ABCC4: variants seen among roughly 807,000 people sequenced by gnomAD.
ABCC4 encodes the protein ATP binding cassette subfamily C member 4 (PEL blood group).
A neutral mutation model predicts 168.5 loss-of-function variants in ABCC4; 102 were observed. The observed-to-expected ratio is 0.61, with a 90% CI of 0.52 to 0.71. ABCC4 has a LOEUF of 0.71. ABCC4 is among the 30% of genes least tolerant of loss of function. The probability of loss-of-function intolerance (pLI) is 0.00; values close to 1 mark genes in which losing one functional copy is unlikely to be tolerated. For missense variants in ABCC4, 1,402 were observed against 1,605.8 expected (o/e 0.87, Z 2.17); for synonymous variants, 617 against 590.7 (o/e 1.04, Z -0.65).
chr13:95,222,609 C>A (rs1417990544), intron 4 of ABCC4, among the ~76,000 whole-genome samples: 2 of 152,128 alleles, frequency 1.3e-5, no homozygotes, highest in Admixed American at 1.3e-4. Flanking sequence ...AGAGCTGGTG[C>A]TGAGGAGGAG....
intron 1 of ABCC4, among the ~76,000 whole-genome samples, chr13:95,262,306 C>T (rs1025873991): frequency 2.0e-5 from 3 of 152,152 alleles, no homozygotes; most frequent in African/African-American, 7.2e-5. Context: ...GATGAAGATA[C>T]AAATATGGAA....
intron 4 of ABCC4, among the ~76,000 whole-genome samples, chr13:95,229,786 A>T (rs765146433): frequency 1.3e-5 from 2 of 152,210 alleles, no homozygotes; most frequent in African/African-American, 2.4e-5. Flanking sequence ...AAGGTAGGCA[A>T]GGGCAAATGG....
At chr13:95,137,911 T>G (rs1049105182) in intron 19 of ABCC4, among the ~76,000 whole-genome samples, 17 of 152,206 alleles carry the variant, frequency 1.1e-4, no homozygotes, top group African/African-American at 3.9e-4. Flanking sequence ...ACTATAAATA[T>G]CTGAATAAAT....
At chr13:95,132,436 G>A (rs893144653) in intron 19 of ABCC4, among the ~76,000 whole-genome samples, 6 of 152,070 alleles carry the variant, frequency 3.9e-5, no homozygotes, top group South Asian at 2.1e-4. Context: ...GGCTGGTCTC[G>A]AACTCCTGGC....
chr13:95,179,234 G>C (rs184291512), intron 11 of ABCC4, among the ~76,000 whole-genome samples: 5 of 152,170 alleles, frequency 3.3e-5, no homozygotes, highest in Admixed American at 3.3e-4. Flanking sequence ...TCAGAGAAGG[G>C]ATAACACCCG....
chr13:95,212,219 C>G (rs1045964586), intron 4 of ABCC4, among the ~76,000 whole-genome samples: 1 of 149,606 alleles, frequency 6.7e-6, no homozygotes, highest in African/African-American at 2.5e-5. Context: ...ATAAGTGAAT[C>G]AATCGTAAAA....
chr13:95,254,103 GC>G (rs879611192), intron 1 of ABCC4, among the ~76,000 whole-genome samples: 14 of 151,836 alleles, frequency 9.2e-5, no homozygotes, highest in Admixed American at 4.6e-4. Flanking sequence ...TCATTATATT[GC>G]CCAGGCTGGT....
chr13:95,152,599 C>T (rs188589228), intron 19 of ABCC4, among the ~76,000 whole-genome samples: 4 of 152,252 alleles, frequency 2.6e-5, no homozygotes, highest in Admixed American at 6.5e-5. Context: ...TTCATAAACA[C>T]TATCAAAAAC....
chr13:95,230,857 T>C (rs906871378), intron 4 of ABCC4, among the ~76,000 whole-genome samples: 3 of 152,214 alleles, frequency 2.0e-5, no homozygotes, highest in East Asian at 1.9e-4. Flanking sequence ...TTGTTCACAA[T>C]AGCTAAAAGG....
In ABCC4 at chr13:95,020,938, C is replaced by T. The variant is rs1267172977; in HGVS notation, c.*637G>A. 3.9e-5 allele frequency: 6 copies of T among 152,280 alleles called. No individual in the cohort carries two copies. Among genetic ancestry groups the T allele is most frequent in the African/African-American group, 7.2e-5 (3 of 41,412 alleles). The allele number at this position is 152,280 out of a possible 1,614,324, so 9.4% of individuals were successfully genotyped here. A position where few individuals can be genotyped will look rare whatever the true frequency, so the allele number is the denominator to read the frequency against. ...TTTTGAGAAAGTAGTATTTTCTCTT[C>T]CTTCTCTTTTAGAACATATGATAAA... is the stretch of plus-strand genomic sequence containing the variant. On this transcript the variant is annotated 3_prime_UTR_variant, in exon 31 of 31. Transcript: ENST00000645237.
At chr13:95,285,717 C>T (rs1254373227) in intron 1 of ABCC4, among the ~76,000 whole-genome samples, 2 of 151,960 alleles carry the variant, frequency 1.3e-5, no homozygotes, top group Non-Finnish European at 2.9e-5. Flanking sequence ...AAGGTGTGAT[C>T]AGGGGAAAGG....
In ABCC4 at chr13:95,051,405, G is replaced by T. The variant is rs2032824330; in HGVS notation, c.3456+1690C>A. Among the ~76,000 whole-genome samples, 2 of 152,202 alleles carry T rather than the reference G, an allele frequency of 1.3e-5. 1 individual carries two copies. Among genetic ancestry groups the T allele is most frequent in the South Asian group, 4.1e-4 (2 of 4,826 alleles). On this transcript the variant is annotated intron_variant, in intron 27 of 30. Coordinates refer to ENST00000645237, the MANE Select transcript of ABCC4 (RefSeq NM_005845.5). ...TAACAATGGAGGGAAATTAATCTCT[G>T]TCACTCAGGCTGGAGTGCAGTGGTG...
At chr13:95,033,487 TAAATC>T (rs1033370699) in intron 30 of ABCC4, among the ~76,000 whole-genome samples, 2 of 152,162 alleles carry the variant, frequency 1.3e-5, no homozygotes, top group African/African-American at 4.8e-5. Context: ...CTAAGTCCCT[TAAATC>T]AAACTGCAGT....
At chr13:95,109,669 T>C (rs1448217665) in intron 20 of ABCC4, among the ~76,000 whole-genome samples, 1 of 152,206 alleles carries the variant, frequency 6.6e-6, no homozygotes, top group Non-Finnish European at 1.5e-5. Flanking sequence ...ATAATTGAAC[T>C]TAAAGTGAAA....
At chr13:95,197,657 G>A (rs138827553) in intron 8 of ABCC4, among the ~76,000 whole-genome samples, 103 of 152,292 alleles carry the variant, frequency 6.8e-4, no homozygotes, top group African/African-American at 2.2e-3. Context: ...AGTATCAGAC[G>A]GCAGAACTGA....
At chr13:95,210,828 T>A in intron 4 of ABCC4, 47 bp from the exon 5 acceptor site, 1 of 1,444,146 alleles carries the variant, frequency 6.9e-7, no homozygotes. Flanking sequence ...GCAGTGATAC[T>A]AAGTCAGGCT....
intron 20 of ABCC4, among the ~76,000 whole-genome samples, chr13:95,104,875 T>C (rs754414884): frequency 1.3e-4 from 20 of 152,164 alleles, no homozygotes; most frequent in Non-Finnish European, 2.5e-4. Flanking sequence ...ACAAGTGGAT[T>C]AGAACACAGT....
At chr13:95,166,482 C>T (rs938497021) in intron 14 of ABCC4, 115 bp from the exon 15 acceptor site, 47 of 874,818 alleles carry the variant, frequency 5.4e-5, no homozygotes, top group Non-Finnish European at 6.9e-5. Flanking sequence ...TACTTAGGTC[C>T]GGAATCCTAG....
At chr13:95,235,767 C>T (rs1391273220) in intron 3 of ABCC4, among the ~76,000 whole-genome samples, 1 of 152,128 alleles carries the variant, frequency 6.6e-6, no homozygotes, top group East Asian at 1.9e-4. Flanking sequence ...CAGGACATTG[C>T]TTCAGTATGT....
Sources: gnomAD v4.1 joint callset for allele counts (sites outside exome capture counted in the v4.1 genomes callset) on GRCh38, gnomAD v4.1.1 for gene constraint, MANE v1.5 for transcripts, NCBI Gene and HGNC (gene_info 2026-07-23, HGNC 2026-07-21) for gene names.